The following SMARCA2 variants were observed in gnomAD, a reference collection of about 807,000 sequenced individuals.
SMARCA2 encodes the protein SWI/SNF related BAF chromatin remodeling complex subunit ATPase 2, also known as SWI/SNF-related matrix-associated actin-dependent regulator of chromatin subfamily A member 2.
Under a neutral mutation model 199.8 loss-of-function variants are expected in SMARCA2, and 61 were observed. The observed-to-expected ratio is 0.31, with a 90% CI of 0.25 to 0.38. SMARCA2 has a LOEUF of 0.38. SMARCA2 is among the 10% of genes least tolerant of loss of function. SMARCA2 has a pLI of 1.00. For synonymous variants in SMARCA2, 935 were observed against 732.0 expected (o/e 1.28, Z -4.48); for missense variants, 1,344 against 2,012.2 (o/e 0.67, Z 6.35).
intron 8 of SMARCA2, among the ~76,000 whole-genome samples, chr9:2,059,605 T>A (rs1820497889): frequency 6.6e-6 from 1 of 152,216 alleles, no homozygotes; most frequent in Non-Finnish European, 1.5e-5. Flanking sequence ...TTTTTGCAAT[T>A]AAGTGATGGA....
intron 28 of SMARCA2, among the ~76,000 whole-genome samples, chr9:2,162,263 G>A (rs12342098): frequency 0.18 from 27,563 of 151,976 alleles, 2,495 homozygotes; most frequent in South Asian, 0.26. Context: ...TGAATTGTTA[G>A]AGAAAGAAGA....
At chr9:2,160,633 G>A in intron 27 of SMARCA2, 1 of 701,682 alleles carries the variant, frequency 1.4e-6, no homozygotes, top group East Asian at 2.7e-5. Context: ...ATTGCCTTAT[G>A]ATTAGAGCTC....
chr9:2,159,306 T>G, intron 27 of SMARCA2: 1 of 322,502 alleles, frequency 3.1e-6, no homozygotes, highest in Non-Finnish European at 5.7e-6. Context: ...GTTCTGAATT[T>G]TCTTTAAAGA....
chr9:2,159,735 T>C, intron 27 of SMARCA2: 1 of 1,522,566 alleles, frequency 6.6e-7, no homozygotes, highest in Non-Finnish European at 8.9e-7. Context: ...ATCCTTTCAG[T>C]ATTAAATTTT....
chr9:2,030,417 A>T (rs1157529714), intron 2 of SMARCA2, among the ~76,000 whole-genome samples: 2 of 151,616 alleles, frequency 1.3e-5, no homozygotes, highest in Admixed American at 1.3e-4. Flanking sequence ...AGGAGAACTG[A>T]TGATGTGAGT....
Position 2,174,833 on chromosome 9 carries a change from T to C in SMARCA2, c.4253+4361T>C, listed in dbSNP as rs149135058. Among the ~76,000 whole-genome samples the C allele has an allele frequency of 1.1e-3, 164 of 146,566 alleles. 3 individuals carry two copies. In the East Asian group the frequency reaches 0.028, roughly 25 times the overall value. On this transcript the variant is annotated intron_variant, in intron 29 of 33. Coordinates refer to ENST00000349721, the MANE Select transcript of SMARCA2 (RefSeq NM_003070.5). The stretch of plus-strand genomic sequence containing the variant: ...TACTTAGGAGGCTGAGATGGGAGGA[T>C]TGCTTGAGCCTGGGAGGTCGAGGCT...
chr9:2,160,426 T>C (rs1282454774), intron 27 of SMARCA2: 6 of 547,922 alleles, frequency 1.1e-5, no homozygotes, highest in Non-Finnish European at 1.9e-5. Flanking sequence ...TTTTTAAAAA[T>C]CCCACTGGCA....
intron 10 of SMARCA2, among the ~76,000 whole-genome samples, chr9:2,071,248 C>G (rs1586672640): frequency 6.6e-6 from 1 of 151,858 alleles, no homozygotes; most frequent in Non-Finnish European, 1.5e-5. Context: ...AGTGGAGATG[C>G]AGAAAAAAAA....
intron 27 of SMARCA2, among the ~76,000 whole-genome samples, chr9:2,129,828 C>G (rs533929614): frequency 6.6e-6 from 1 of 152,242 alleles, no homozygotes; most frequent in East Asian, 1.9e-4. Context: ...ATAGAAACTC[C>G]ATGTCAGGAA....
Position 2,032,199 on chromosome 9 carries a change from G to T in SMARCA2, c.226-753G>T, listed in dbSNP as rs967055947. ...GGCTGTTTTGAAAATTGCTATTACA[G>T]TTTGGGGAGGAATAGACTTTTCCTT... is the stretch of plus-strand genomic sequence containing the variant. On this transcript the variant is annotated intron_variant, in intron 2 of 33. Coordinates refer to ENST00000349721, the MANE Select transcript of SMARCA2 (RefSeq NM_003070.5). Among the ~76,000 whole-genome samples, 7 of 152,270 alleles carry T rather than the reference G, an allele frequency of 4.6e-5. No individual in the cohort carries two copies. In the South Asian group the frequency reaches 1.4e-3, roughly 32 times the overall value.
intron 27 of SMARCA2, among the ~76,000 whole-genome samples, chr9:2,129,817 CA>C (rs1434069423): frequency 5.3e-5 from 8 of 152,152 alleles, no homozygotes; most frequent in African/African-American, 1.9e-4. Flanking sequence ...AGATGTCAAA[CA>C]TAGAAACTCC....
chr9:2,126,139 T>C (rs7041113), intron 27 of SMARCA2, among the ~76,000 whole-genome samples: 2 of 152,210 alleles, frequency 1.3e-5, no homozygotes, highest in South Asian at 4.1e-4. Flanking sequence ...GCGCATCTAG[T>C]AAACTTCCTT....
At chr9:2,053,265 G>A (rs576582786) in intron 5 of SMARCA2, among the ~76,000 whole-genome samples, 21 of 152,306 alleles carry the variant, frequency 1.4e-4, no homozygotes, top group Non-Finnish European at 2.8e-4. Context: ...TTAGGATAAT[G>A]GCCTCCAGCT....
At position 2,115,154 on chromosome 9, in the gene SMARCA2, T is replaced by C. The variant is rs1823163294; in HGVS notation, c.3457-668T>C. 1.3e-5 allele frequency among the ~76,000 whole-genome samples: 2 copies of C among 152,084 alleles called. No homozygotes were observed. Among genetic ancestry groups the C allele is most frequent in the Non-Finnish European group, 2.9e-5 (2 of 68,016 alleles). On this transcript the variant is annotated intron_variant, in intron 24 of 33. Transcript: ENST00000349721. This position sits in a 1 kb window ranked among gnomAD's most constrained non-coding sequence, Gnocchi z 6.0. Reference sequence around the variant, plus strand: ...ATTTGTTTAGGATACATTTCCGAAGTAATATTTCTAAGTCGGAGACATAGA... The same window carrying C: ...ATTTGTTTAGGATACATTTCCGAAGCAATATTTCTAAGTCGGAGACATAGA...
intron 9 of SMARCA2, among the ~76,000 whole-genome samples, chr9:2,065,614 A>T (rs1291737879): frequency 6.6e-6 from 1 of 152,218 alleles, no homozygotes; most frequent in Non-Finnish European, 1.5e-5. Context: ...TGCCGTTGGC[A>T]CAGTTTTCAG....
chr9:2,032,925 C>T (rs2130201333), intron 2 of SMARCA2, 27 bp from the exon 3 acceptor site: 1 of 1,607,430 alleles, frequency 6.2e-7, no homozygotes, highest in East Asian at 2.2e-5. Context: ...ATAGAGGTGT[C>T]TAACTAATGT....
chr9:2,110,178 G>T lies in SMARCA2; in HGVS notation c.3293-76G>T. 8.3e-7 allele frequency: 1 copy of T among 1,202,856 alleles called. No individual in the cohort carries two copies. Among genetic ancestry groups the T allele is most frequent in the Non-Finnish European group, 1.2e-6 (1 of 857,152 alleles). The allele number at this position is 1,202,856 out of a possible 1,614,324, so 74.5% of individuals were successfully genotyped here. A position where few individuals can be genotyped will look rare whatever the true frequency, so the allele number is the denominator to read the frequency against. ...AGTCTGGGTATATTTCTTGAAGGAA[G>T]CAAGCCTTTTTGTCTCATTCTGTGC... On this transcript the variant is annotated intron_variant, in intron 23 of 33. Transcript: ENST00000349721. This position sits in a 1 kb window ranked among gnomAD's most constrained non-coding sequence, Gnocchi z 4.8.
At chr9:2,054,928 G>C (rs1483595910) in intron 6 of SMARCA2, among the ~76,000 whole-genome samples, 2 of 152,202 alleles carry the variant, frequency 1.3e-5, no homozygotes, top group Non-Finnish European at 2.9e-5. Flanking sequence ...TTTCTCTTCT[G>C]TATATGGGAA....
At chr9:2,019,716 G>A (rs190870906) in intron 1 of SMARCA2, among the ~76,000 whole-genome samples, 1 of 151,876 alleles carries the variant, frequency 6.6e-6, no homozygotes, top group Non-Finnish European at 1.5e-5. Context: ...TCCTTATATT[G>A]TTGTAATATT....
Sources: gnomAD v4.1 joint callset for allele counts (sites outside exome capture counted in the v4.1 genomes callset) on GRCh38, gnomAD v4.1.1 for gene constraint, Gnocchi (gnomAD v3.1) non-coding constraint, MANE v1.5 for transcripts, NCBI Gene and HGNC (gene_info 2026-07-23, HGNC 2026-07-21) for gene names.